F5: variants seen among roughly 807,000 people sequenced by gnomAD.
F5 encodes activated protein c cofactor.
Under a neutral mutation model 216.4 loss-of-function variants are expected in F5, and 138 were observed. That is an observed-to-expected ratio of 0.64 (90% confidence interval 0.56 to 0.73). F5 has a LOEUF of 0.73. Ranked by LOEUF, F5 falls within the 30% of genes least tolerant of loss-of-function variation. F5 has a pLI of 0.00. For missense variants in F5, 2,403 were observed against 2,674.0 expected (o/e 0.90, Z 2.24); for synonymous variants, 916 against 930.7 (o/e 0.98, Z 0.29).
intron 2 of F5, among the ~76,000 whole-genome samples, chr1:169,576,698 T>C (rs1036111412): frequency 2.0e-5 from 3 of 152,180 alleles, no homozygotes; most frequent in Admixed American, 6.5e-5. Context: ...CTACCCTCTG[T>C]CTTGGCTCCT....
chr1:169,514,972 G>A (rs1321035421), intron 24 of F5, among the ~76,000 whole-genome samples: 1 of 152,106 alleles, frequency 6.6e-6, no homozygotes, highest in Non-Finnish European at 1.5e-5. Flanking sequence ...TTACCTCACA[G>A]AAGTCATTGT....
At chr1:169,534,426 G>A (rs1659659420) in intron 14 of F5, among the ~76,000 whole-genome samples, 1 of 152,186 alleles carries the variant, frequency 6.6e-6, no homozygotes, top group African/African-American at 2.4e-5. Flanking sequence ...CCAGCACTTT[G>A]GGAAGCTGAG....
intron 23 of F5, among the ~76,000 whole-genome samples, chr1:169,516,970 G>A (rs966820600): frequency 7.9e-5 from 12 of 152,128 alleles, no homozygotes; most frequent in Non-Finnish European, 4.4e-5. Context: ...GAAGTATGGA[G>A]TGACAAGGTT....
intron 7 of F5, among the ~76,000 whole-genome samples, chr1:169,552,996 T>C (rs901202753): frequency 6.6e-6 from 1 of 152,234 alleles, no homozygotes; most frequent in Admixed American, 6.5e-5. Context: ...GTCATTCTTA[T>C]TGCTACAGCA....
Position 169,542,084 on chromosome 1 carries a change from A to C in F5, c.3006T>G (p.Pro1002=). 6.2e-7 allele frequency: 1 copy of C among 1,614,032 alleles called. No individual in the cohort carries two copies. Among genetic ancestry groups the C allele is most frequent in the Non-Finnish European group, 8.5e-7 (1 of 1,179,982 alleles). Residue 1002 remains proline (P), a synonymous_variant, in exon 13 of 25, where the codon CCT becomes CCG. Coordinates refer to ENST00000367797, the MANE Select transcript of F5 (RefSeq NM_000130.5). ...CTTGTAGAGATTTATGTCTAACTCT[A>C]GGAAACTTTGGGTGGCCACTCTGCT... ...PGKQSGHPKF[P]RVRHKSLQVR... is the part of the protein sequence containing the mutation.
intron 2 of F5, among the ~76,000 whole-genome samples, chr1:169,581,388 G>A (rs1660982946): frequency 6.6e-6 from 1 of 152,006 alleles, no homozygotes; most frequent in Non-Finnish European, 1.5e-5. Context: ...TTCTCATACA[G>A]AAAACTGGTA....
intron 23 of F5, among the ~76,000 whole-genome samples, chr1:169,517,516 AT>A (rs1336475296): frequency 6.6e-6 from 1 of 152,176 alleles, no homozygotes; most frequent in Non-Finnish European, 1.5e-5. Flanking sequence ...GGAGGGAGAT[AT>A]GAGGATAGAA....
intron 14 of F5, among the ~76,000 whole-genome samples, chr1:169,533,824 T>C (rs1044622655): frequency 1.3e-5 from 2 of 152,072 alleles, no homozygotes; most frequent in Admixed American, 1.3e-4. Context: ...TGGAAAGAAG[T>C]TTGGGGGTTT....
At chr1:169,579,628 C>G (rs1161911827) in intron 2 of F5, among the ~76,000 whole-genome samples, 1 of 152,200 alleles carries the variant, frequency 6.6e-6, no homozygotes, top group African/African-American at 2.4e-5. Context: ...GAATGGCACC[C>G]TATCCATTCT....
chr1:169,576,125 C>G (rs1242164397), intron 2 of F5, among the ~76,000 whole-genome samples: 1 of 152,180 alleles, frequency 6.6e-6, no homozygotes, highest in African/African-American at 2.4e-5. Flanking sequence ...AGGAATGCAG[C>G]TCTGCCAACA....
Position 169,586,296 on chromosome 1 carries a change from G to T in F5, c.91C>A (p.Leu31Ile). 1 of 1,614,162 alleles carries T rather than the reference G, an allele frequency of 6.2e-7. No homozygotes were observed. Among genetic ancestry groups the T allele is most frequent in the Non-Finnish European group, 8.5e-7 (1 of 1,180,042 alleles). The change falls in exon 1 of 25, where the codon CTA becomes ATA. Residue 31 changes from leucine to isoleucine, a missense_variant. By Grantham distance (5) the Leu-to-Ile change is conservative. This residue lies in a region of F5 where 1,425 missense variants were observed against 1,554.8 expected (regional missense o/e 0.92). Coordinates refer to ENST00000367797, the MANE Select transcript of F5 (RefSeq NM_000130.5). ...TGAGCAGCCACGTAGAACTGCCTTA[G>T]CTGTGCCGCTTCTGTCCCTTGGCTC... ...WGSQGTEAAQ[L>I]RQFYVAAQGI... is the part of the protein sequence containing the mutation.
rs553347958 is a variant in F5 at position 169,563,895 on chromosome 1, G to A, written c.374-3129C>T. On this transcript the variant is annotated intron_variant, in intron 3 of 24. Coordinates refer to ENST00000367797, the MANE Select transcript of F5 (RefSeq NM_000130.5). ...ATCTGTTGAGTTTTTTCTTGGTTAT[G>A]AGTCATCTCTTTCTGCTTCTTCTAA... 5.3e-5 allele frequency among the ~76,000 whole-genome samples: 8 copies of A among 152,074 alleles called. No individual in the cohort carries two copies. The South Asian group carries it at 1.7e-3, about 32-fold the overall frequency.
chr1:169,543,189 G>T (rs1446768750), intron 12 of F5, 75 bp from the exon 13 acceptor site: 60 of 1,381,224 alleles, frequency 4.3e-5, no homozygotes, highest in Non-Finnish European at 6.0e-5. Flanking sequence ...ATCCATTGTG[G>T]CAGGTAATTT....
intron 2 of F5, among the ~76,000 whole-genome samples, chr1:169,576,766 G>A (rs193140257): frequency 1.3e-5 from 2 of 152,272 alleles, no homozygotes; most frequent in Admixed American, 1.3e-4. Flanking sequence ...GCCCAACAGG[G>A]TGCTGACTAT....
At chr1:169,563,691 T>C (rs1006443100) in intron 3 of F5, among the ~76,000 whole-genome samples, 2 of 152,042 alleles carry the variant, frequency 1.3e-5, no homozygotes, top group Non-Finnish European at 2.9e-5. Flanking sequence ...CTATGCTTTA[T>C]TTTTTACTTT....
At chr1:169,568,175 G>A (rs142141186) in intron 3 of F5, among the ~76,000 whole-genome samples, 61 of 152,040 alleles carry the variant, frequency 4.0e-4, no homozygotes, top group Middle Eastern at 3.4e-3. Flanking sequence ...TTTCACATTC[G>A]CCTGTCAGTT....
Position 169,540,524 on chromosome 1 carries a change from G to T in F5, c.4566C>A (p.Tyr1522Ter). The T allele has an allele frequency of 6.2e-7, 1 of 1,613,942 alleles. No individual in the cohort carries two copies. Among genetic ancestry groups the T allele is most frequent in the Non-Finnish European group, 8.5e-7 (1 of 1,179,932 alleles). ...CCTCTTCCTTTGGAATGATCTCAAT[G>T]TAATCTGTACCATCTTTACTGAGGC... ...IVGLSKDGTDYIEIIPKEEVQ... is the reference protein window; with the variant it reads ...IVGLSKDGTD Residue 1522 changes from tyrosine (Y) to a stop codon, truncating the protein, a stop_gained, in exon 13 of 25, where the codon TAC becomes TAA. Transcript: ENST00000367797. LOFTEE classifies it high-confidence loss of function.
intron 10 of F5, among the ~76,000 whole-genome samples, chr1:169,548,756 C>G (rs1196328526): frequency 6.6e-6 from 1 of 151,750 alleles, no homozygotes; most frequent in Non-Finnish European, 1.5e-5. Context: ...GTAATCCCAG[C>G]TACTCAAGAG....
chr1:169,541,620 A>C lies in F5; in HGVS notation c.3470T>G (p.Leu1157Arg). Residue 1157 changes from leucine to arginine, a missense_variant, in exon 13 of 25, where the codon CTT (leucine) becomes CGT (arginine). Coordinates refer to ENST00000367797, the MANE Select transcript of F5 (RefSeq NM_000130.5). ...RSSSPELSEM[L>R]EYDRSHKSFP... is the part of the protein sequence containing the mutation. ...GGACTTGTGACTTCGGTCATACTCA[A>C]GCATTTCACTGAGCTCTGGAGAAGA... 6.2e-7 allele frequency: 1 copy of C among 1,614,102 alleles called. No individual in the cohort carries two copies. The highest frequency in any genetic ancestry group is 8.5e-7 in the Non-Finnish European group (1 of 1,179,982).
Sources: allele counts gnomAD v4.1 joint callset (sites outside exome capture counted in the v4.1 genomes callset), GRCh38; gene constraint gnomAD v4.1.1; regional missense constraint gnomAD v4.1.1; transcripts MANE v1.5; gene names NCBI Gene and HGNC (gene_info 2026-07-23, HGNC 2026-07-21).